The following PTH2R variants were observed in gnomAD, a reference collection of about 807,000 sequenced individuals.
PTH2R encodes the protein parathyroid hormone 2 receptor, also known as PTH2 receptor.
Under a neutral mutation model 60.3 loss-of-function variants are expected in PTH2R, and 59 were observed. The ratio of observed to expected loss-of-function variants is 0.98; its 90% CI spans 0.79 to 1.22. The LOEUF is 1.22. PTH2R is among the 50% of genes most tolerant of loss of function. The probability of loss-of-function intolerance (pLI) is 0.00; values close to 1 mark genes in which losing one functional copy is unlikely to be tolerated. For synonymous variants in PTH2R, 256 were observed against 243.8 expected (o/e 1.05, Z -0.47); for missense variants, 749 against 682.6 (o/e 1.10, Z -1.08).
At chr2:208,394,813 AG>A (rs993421000) in intron 1 of PTH2R, among the ~76,000 whole-genome samples, 16 of 152,154 alleles carry the variant, frequency 1.1e-4, no homozygotes, top group Admixed American at 4.6e-4. Flanking sequence ...ATTTTATTTA[AG>A]GAATTAAATT....
At chr2:208,383,772 A>G (rs899614917) in intron 1 of PTH2R, among the ~76,000 whole-genome samples, 3 of 152,228 alleles carry the variant, frequency 2.0e-5, no homozygotes, top group Admixed American at 2.0e-4. Flanking sequence ...CAATGAACAC[A>G]GTTGAATATC....
At chr2:208,403,398 C>T (rs1701344837), upstream of PTH2R, among the ~76,000 whole-genome samples, 1 of 152,116 alleles carries the variant, frequency 6.6e-6, no homozygotes, top group African/African-American at 2.4e-5. Flanking sequence ...AAGAGTGTGT[C>T]AACTCTGAGA....
At chr2:208,418,363 ATTT>A (rs61195514) in intron 1 of PTH2R, among the ~76,000 whole-genome samples, 1 of 148,666 alleles carries the variant, frequency 6.7e-6, no homozygotes, top group South Asian at 2.1e-4. Context: ...TTTGCACTCA[ATTT>A]TTTTTTTTAA....
At chr2:208,425,844 G>A (rs1701847135) in intron 1 of PTH2R, among the ~76,000 whole-genome samples, 1 of 152,186 alleles carries the variant, frequency 6.6e-6, no homozygotes, top group African/African-American at 2.4e-5. Context: ...CCAAGTTGGG[G>A]ATGTATGAGG....
At chr2:208,405,214 ATTAT>A (rs149298535), upstream of PTH2R, among the ~76,000 whole-genome samples, 163 of 152,332 alleles carry the variant, frequency 1.1e-3, no homozygotes, top group African/African-American at 3.8e-3. Context: ...AAAACATTAA[ATTAT>A]TTATTTAATG....
chr2:208,401,991 A>T (rs1383778772), upstream of PTH2R, among the ~76,000 whole-genome samples: 2 of 152,348 alleles, frequency 1.3e-5, no homozygotes, highest in Non-Finnish European at 2.9e-5. Flanking sequence ...ACATTTTTGT[A>T]TCACAGCCAT....
chr2:208,474,525 C>A (rs920322864), intron 9 of PTH2R, among the ~76,000 whole-genome samples: 1 of 152,174 alleles, frequency 6.6e-6, no homozygotes. Flanking sequence ...ATAGGTAAAG[C>A]GCAGAGAAGG....
intron 1 of PTH2R, among the ~76,000 whole-genome samples, chr2:208,377,439 A>T (rs1273817969): frequency 6.8e-6 from 1 of 148,114 alleles, no homozygotes; most frequent in Non-Finnish European, 1.5e-5. Flanking sequence ...CACTTCCCAG[A>T]AGGGGCGGCC....
chr2:208,366,322 G>T (rs1700592721), intron 1 of PTH2R, among the ~76,000 whole-genome samples: 1 of 152,028 alleles, frequency 6.6e-6, no homozygotes, highest in Non-Finnish European at 1.5e-5. Context: ...CATCCAGTTT[G>T]TTGGTATAGT....
chr2:208,437,533 T>A lies in PTH2R; in HGVS notation c.179-4T>A. ...TATTTGCTTTAATTTTTTTTTCTCA[T>A]TAGAAGGTAATTGTTTCCCTGAATG... On this transcript the variant is annotated splice_polypyrimidine_tract_variant and splice_region_variant and intron_variant, in intron 2 of 12. Transcript: ENST00000272847. 1 of 1,591,226 alleles carries A rather than the reference T, an allele frequency of 6.3e-7. No individual in the cohort carries two copies. The highest frequency in any genetic ancestry group is 8.5e-7 in the Non-Finnish European group (1 of 1,170,330).
At chr2:208,442,112 G>A (rs1702196738) in intron 4 of PTH2R, among the ~76,000 whole-genome samples, 1 of 152,192 alleles carries the variant, frequency 6.6e-6, no homozygotes, top group African/African-American at 2.4e-5. Context: ...TGTGGTGACA[G>A]ATATTGGAAC....
intron 1 of PTH2R, among the ~76,000 whole-genome samples, chr2:208,410,910 G>A (rs1052539926): frequency 6.6e-6 from 1 of 152,134 alleles, no homozygotes; most frequent in African/African-American, 2.4e-5. Flanking sequence ...ACAAATTGTG[G>A]TGATAATAAA....
At position 208,359,969 on chromosome 2, in the gene PTH2R, G is replaced by C. The variant is rs552640135; in HGVS notation, c.-527G>C. 11 of 277,784 alleles carry C rather than the reference G, an allele frequency of 4.0e-5. No homozygotes were observed. In the East Asian group the frequency reaches 1.1e-3, roughly 28 times the overall value. The allele number at this position is 277,784 out of a possible 1,614,324, so 17.2% of individuals were successfully genotyped here. On this transcript the variant is annotated 5_prime_UTR_variant, in exon 1 of 13. Transcript: ENST00000617735. Reference sequence around the variant, plus strand: ...TTCCTCCACGTTCTCGTGCTGGGCGGGAGGAGCGGATGGGGCTTGGGAGGC... The same window carrying C: ...TTCCTCCACGTTCTCGTGCTGGGCGCGAGGAGCGGATGGGGCTTGGGAGGC...
intron 1 of PTH2R, among the ~76,000 whole-genome samples, chr2:208,370,264 A>G (rs1700670108): frequency 6.6e-6 from 1 of 151,824 alleles, no homozygotes; most frequent in South Asian, 2.1e-4. Flanking sequence ...TAACATGGTG[A>G]AACCCTGTCT....
chr2:208,360,833 C>A, intron 1 of PTH2R: 1 of 157,592 alleles, frequency 6.3e-6, no homozygotes, highest in South Asian at 1.8e-4. Context: ...CCTCAGACAT[C>A]AGCACCCCAA....
Position 208,437,519 on chromosome 2 carries a change from A to T in PTH2R, c.179-18A>T. 1.9e-6 allele frequency: 3 copies of T among 1,550,184 alleles called. No homozygotes were observed. Among genetic ancestry groups the T allele is most frequent in the Non-Finnish European group, 2.6e-6 (3 of 1,143,830 alleles). Reference sequence around the variant, plus strand: ...CATTTTTCTTTGTTTATTTGCTTTAATTTTTTTTTCTCATTAGAAGGTAAT... The same window carrying T: ...CATTTTTCTTTGTTTATTTGCTTTATTTTTTTTTTCTCATTAGAAGGTAAT... On this transcript the variant is annotated intron_variant, in intron 2 of 12. Coordinates refer to ENST00000272847, the MANE Select transcript of PTH2R (RefSeq NM_005048.4).
chr2:208,448,628 C>T (rs1702338245), intron 7 of PTH2R, among the ~76,000 whole-genome samples: 2 of 146,958 alleles, frequency 1.4e-5, no homozygotes, highest in South Asian at 2.2e-4. Flanking sequence ...AGCAAGAATC[C>T]GTCTCAAAAA....
chr2:208,481,356 G>A (rs1401056561), intron 10 of PTH2R, among the ~76,000 whole-genome samples, 192 bp downstream of exon 10: 5 of 151,786 alleles, frequency 3.3e-5, no homozygotes, highest in Admixed American at 6.6e-5. Flanking sequence ...GATTACAGGT[G>A]TGCGCCATCA....
intron 8 of PTH2R, among the ~76,000 whole-genome samples, chr2:208,455,689 T>G (rs895235424): frequency 6.6e-5 from 10 of 152,226 alleles, no homozygotes; most frequent in Non-Finnish European, 8.8e-5. Flanking sequence ...TTGGGTGTTA[T>G]CTGACCTATA....
Sources: allele counts gnomAD v4.1 joint callset (sites outside exome capture counted in the v4.1 genomes callset), GRCh38; gene constraint gnomAD v4.1.1; transcripts MANE v1.5; gene names NCBI Gene and HGNC (gene_info 2026-07-23, HGNC 2026-07-21).